CRB1: variants seen among roughly 807,000 people sequenced by gnomAD.
CRB1 encodes protein crumbs homolog 1.
A neutral mutation model predicts 120.0 loss-of-function variants in CRB1; 83 were observed. The ratio of observed to expected loss-of-function variants is 0.69; its 90% CI spans 0.58 to 0.83. CRB1 has a LOEUF of 0.83. Among genes scored for constraint, CRB1 ranks in the 40% least tolerant of loss-of-function variants. The pLI, the probability that CRB1 is intolerant of heterozygous loss-of-function variation, is 0.00. For missense variants in CRB1, 1,699 were observed against 1,687.6 expected, an observed-to-expected ratio of 1.01 and a Z score of -0.12; for synonymous variants, 625 against 612.5, an observed-to-expected ratio of 1.02 and a Z score of -0.30.
chr1:197,475,733 C>T (rs894944534), intron 11 of CRB1, among the ~76,000 whole-genome samples: 2 of 152,170 alleles, frequency 1.3e-5, no homozygotes, highest in Admixed American at 1.3e-4. Flanking sequence ...CAACTCTTTT[C>T]ACCCTTTCCC....
intron 1 of CRB1, among the ~76,000 whole-genome samples, chr1:197,292,924 A>G (rs1250538015): frequency 6.6e-6 from 1 of 152,242 alleles, no homozygotes; most frequent in South Asian, 2.1e-4. Context: ...AAAAAATAAG[A>G]TCTGTTTATG....
In CRB1 at chr1:197,442,283, C is replaced by CGAGGTG; in HGVS notation, c.3999_4004dup (p.Glu1333_Val1334dup). 6.2e-7 allele frequency: 1 copy of CGAGGTG among 1,614,182 alleles called. No homozygotes were observed. Among genetic ancestry groups the CGAGGTG allele is most frequent in the Non-Finnish European group, 8.5e-7 (1 of 1,180,026 alleles). The stretch of plus-strand genomic sequence containing the variant: ...ATGTTGCCTTTGCTGGCGAGCGCTG[C>CGAGGTG]GAGGTGGACGTAAGCAGCCTCTCCT... On this transcript the variant is annotated inframe_insertion, in exon 11 of 12. Coordinates refer to ENST00000367400, the MANE Select transcript of CRB1 (RefSeq NM_201253.3).
intron 5 of CRB1, among the ~76,000 whole-genome samples, chr1:197,363,037 A>G (rs1182161427): frequency 6.6e-6 from 1 of 150,810 alleles, no homozygotes; most frequent in African/African-American, 2.4e-5. Flanking sequence ...ACTCTGTGTA[A>G]TTTTCATAGT....
chr1:197,349,178 C>T (rs1011149279), intron 4 of CRB1, among the ~76,000 whole-genome samples: 1 of 152,124 alleles, frequency 6.6e-6, no homozygotes, highest in Non-Finnish European at 1.5e-5. Context: ...CAATTGCCTA[C>T]AGTATTCAGT....
intron 1 of CRB1, among the ~76,000 whole-genome samples, chr1:197,299,513 A>C (rs905273655): frequency 2.6e-5 from 4 of 152,162 alleles, no homozygotes; most frequent in African/African-American, 9.6e-5. Flanking sequence ...ACACACACTA[A>C]AGGAAAAATC....
At chr1:197,243,967 C>A in the CRB1 span, among the ~76,000 whole-genome samples, 7 of 152,022 alleles carry the variant, frequency 4.6e-5, no homozygotes, top group Non-Finnish European at 8.8e-5. Flanking sequence ...GGTTTAAAGT[C>A]TGTTTTATCA....
chr1:197,390,817 T>C (rs1662468360), intron 5 of CRB1, among the ~76,000 whole-genome samples: 1 of 152,112 alleles, frequency 6.6e-6, no homozygotes. Flanking sequence ...TCTTGGTGAT[T>C]GATCTCTTTT....
chr1:197,406,757 T>A (rs1663430994), intron 5 of CRB1, among the ~76,000 whole-genome samples: 2 of 152,214 alleles, frequency 1.3e-5, no homozygotes, highest in South Asian at 4.1e-4. Flanking sequence ...AATGACAAAT[T>A]CCAGACATTT....
chr1:197,215,028 G>T, the CRB1 span, among the ~76,000 whole-genome samples: 2 of 152,100 alleles, frequency 1.3e-5, no homozygotes, highest in African/African-American at 2.4e-5. Flanking sequence ...TGCAAGAATG[G>T]CTCAACATAA....
intron 1 of CRB1, among the ~76,000 whole-genome samples, chr1:197,316,551 T>C (rs1052554376): frequency 6.6e-6 from 1 of 152,236 alleles, no homozygotes; most frequent in African/African-American, 2.4e-5. Flanking sequence ...TAAAATTTGC[T>C]TGTTATTAAT....
chr1:197,406,342 C>T (rs1663393197), intron 5 of CRB1, among the ~76,000 whole-genome samples: 1 of 152,014 alleles, frequency 6.6e-6, no homozygotes, highest in Admixed American at 6.5e-5. Context: ...AAGGGTGGTG[C>T]AAGATGTGCT....
At chr1:197,406,588 T>A (rs1343991526) in intron 5 of CRB1, among the ~76,000 whole-genome samples, 1 of 152,114 alleles carries the variant, frequency 6.6e-6, no homozygotes, top group African/African-American at 2.4e-5. Context: ...AATAAATAAA[T>A]AAAAAATAAT....
Position 197,347,448 on chromosome 1 carries a change from T to C in CRB1, c.957T>C (p.Ser319=), listed in dbSNP as rs765228022. The C allele has an allele frequency of 4.4e-5, 71 of 1,614,042 alleles. No homozygotes were observed. The highest frequency in any genetic ancestry group is 5.8e-5 in the Non-Finnish European group (68 of 1,179,986). ...PCHNNATCED[S]VDNYTCHCWP... is the part of the protein sequence containing the mutation. ...ACAATAATGCTACATGTGAGGACAG[T>C]GTTGACAATTACACTTGTCACTGCT... The change falls in exon 4 of 12, where the codon AGT becomes AGC. Residue 319 remains serine, a synonymous_variant. Transcript: ENST00000367400.
At chr1:197,318,697 G>A (rs749652321) in intron 1 of CRB1, among the ~76,000 whole-genome samples, 6 of 152,180 alleles carry the variant, frequency 3.9e-5, no homozygotes, top group Non-Finnish European at 7.3e-5. Flanking sequence ...CCAGGAACAT[G>A]GATGAACCTG....
chr1:197,380,230 G>A (rs1024151163), intron 5 of CRB1, among the ~76,000 whole-genome samples: 1 of 152,112 alleles, frequency 6.6e-6, no homozygotes, highest in Non-Finnish European at 1.5e-5. Context: ...TTTTTGGGGT[G>A]GGAGGTTAAA....
chr1:197,303,848 A>C (rs968257361), intron 1 of CRB1, among the ~76,000 whole-genome samples: 6 of 152,034 alleles, frequency 3.9e-5, no homozygotes, highest in East Asian at 1.9e-4. Flanking sequence ...TGAAGCTGAG[A>C]GTGTTGGTGT....
At chr1:197,212,265 C>T in the CRB1 span, among the ~76,000 whole-genome samples, 5 of 152,206 alleles carry the variant, frequency 3.3e-5, no homozygotes, top group South Asian at 1.0e-3. Flanking sequence ...ACTAACCATT[C>T]CATCCTTATC....
intron 5 of CRB1, among the ~76,000 whole-genome samples, chr1:197,383,370 G>A (rs958658616): frequency 1.1e-4 from 16 of 152,080 alleles, no homozygotes; most frequent in Non-Finnish European, 1.3e-4. Flanking sequence ...AACTGGACCC[G>A]CTACGCTCTC....
At chr1:197,221,946 A>G in the CRB1 span, among the ~76,000 whole-genome samples, 1 of 152,192 alleles carries the variant, frequency 6.6e-6, no homozygotes, top group Non-Finnish European at 1.5e-5. Flanking sequence ...GCAACTACAG[A>G]TCTTTCCAAC....
Sources: gnomAD v4.1 joint callset for allele counts (sites outside exome capture counted in the v4.1 genomes callset) on GRCh38, gnomAD v4.1.1 for gene constraint, MANE v1.5 for transcripts, NCBI Gene and HGNC (gene_info 2026-07-23, HGNC 2026-07-21) for gene names.